Variants in INTS6L observed in about 807,000 individuals in gnomAD.
The protein encoded by INTS6L is integrator complex subunit 6 like.
A neutral mutation model predicts 64.7 loss-of-function variants in INTS6L; 18 were observed. That is an observed-to-expected ratio of 0.28 (90% CI 0.19 to 0.41). The LOEUF (loss-of-function observed/expected upper bound fraction) is 0.41, where lower values mean the gene tolerates loss of function less well. INTS6L is among the 10% of genes least tolerant of loss of function. INTS6L has a pLI of 1.00. For missense variants in INTS6L, 533 were observed against 661.0 expected (o/e 0.81, Z 2.12); for synonymous variants, 227 against 235.9 (o/e 0.96, Z 0.34).
In INTS6L at chrX:135,548,066, T is replaced by C. The variant is rs79227425; in HGVS notation, c.742+801T>C. Reference sequence around the variant, plus strand: ...GTAAGTGTATATATATATATATATATACACACACACACTCCATTATTATTA... The same window carrying C: ...GTAAGTGTATATATATATATATATACACACACACACACTCCATTATTATTA... On this transcript the variant is annotated intron_variant, in intron 6 of 17. Transcript: ENST00000639893. Among the ~76,000 whole-genome samples, 229 of 73,505 alleles carry C rather than the reference T, an allele frequency of 3.1e-3. 1 individual carries two copies. The highest frequency in any genetic ancestry group is 8.2e-3 in the African/African-American group (185 of 22,470). 63.8% of individuals were successfully genotyped at this position (73,505 alleles called of 115,157 possible).
At chrX:135,542,523 G>C (rs1318737136) in intron 2 of INTS6L, among the ~76,000 whole-genome samples, 1 of 106,879 alleles carries the variant, frequency 9.4e-6, no homozygotes, top group Admixed American at 1.0e-4. Flanking sequence ...AAAAGAAAAA[G>C]AGAGAGAGAG....
intron 2 of INTS6L, among the ~76,000 whole-genome samples, chrX:135,540,750 C>G (rs1219667616): frequency 9.2e-6 from 1 of 109,138 alleles, no homozygotes; most frequent in Non-Finnish European, 1.9e-5. Context: ...CTTCCTCCCC[C>G]TCCTCCTCCC....
At chrX:135,577,911 C>T (rs2087273569) in intron 15 of INTS6L, among the ~76,000 whole-genome samples, 1 of 111,936 alleles carries the variant, frequency 8.9e-6, no homozygotes, top group South Asian at 3.7e-4. Flanking sequence ...TCCTCGACCC[C>T]ACTGAAACAT....
intron 2 of INTS6L, among the ~76,000 whole-genome samples, chrX:135,530,970 A>G (rs1029796258): frequency 6.2e-5 from 7 of 112,006 alleles, no homozygotes; most frequent in African/African-American, 2.3e-4. Context: ...TTTATTATCT[A>G]TATCCTGCCC....
chrX:135,540,699 A>C (rs2086183954), intron 2 of INTS6L, among the ~76,000 whole-genome samples: 1 of 102,581 alleles, frequency 9.7e-6, no homozygotes, highest in Non-Finnish European at 2.0e-5. Context: ...GTGGCTTACT[A>C]TTCAAGCCTC....
chrX:135,553,641 C>T (rs2086564800), intron 8 of INTS6L, among the ~76,000 whole-genome samples: 2 of 110,040 alleles, frequency 1.8e-5, no homozygotes, highest in African/African-American at 3.3e-5. Flanking sequence ...TTTTTTGACT[C>T]GTGTGCTGTT....
At chrX:135,568,735 GGGGTCTCATTAT>G (rs1556526045) in intron 9 of INTS6L, among the ~76,000 whole-genome samples, 1 of 109,932 alleles carries the variant, frequency 9.1e-6, no homozygotes, top group Non-Finnish European at 1.9e-5. Flanking sequence ...TATAGAGACA[GGGGTCTCATTAT>G]GTTGCCCAGG....
At chrX:135,557,383 T>C (rs1276245890) in intron 9 of INTS6L, among the ~76,000 whole-genome samples, 1 of 111,919 alleles carries the variant, frequency 8.9e-6, no homozygotes, top group Non-Finnish European at 1.9e-5. Flanking sequence ...TATTTTTAAG[T>C]GCACTTTTTT....
Position 135,573,053 on chromosome X carries a change from GT to G in INTS6L, c.1617+23del, listed in dbSNP as rs782504825. Reference sequence around the variant, plus strand: ...AACAAGGTAAATTGTGACATAAATAGTTTGTATTTGTTTGAACTTGTCTGAT... The same window carrying G: ...AACAAGGTAAATTGTGACATAAATAGTTGTATTTGTTTGAACTTGTCTGAT... On this transcript the variant is annotated intron_variant, in intron 12 of 17. Coordinates refer to ENST00000639893, the MANE Select transcript of INTS6L (RefSeq NM_001351601.3). The G allele has an allele frequency of 3.6e-6, 4 of 1,116,282 alleles. No homozygotes were observed. Among genetic ancestry groups the G allele is most frequent in the Admixed American group, 2.3e-5 (1 of 43,233 alleles). 92.0% of individuals were successfully genotyped at this position (1,116,282 alleles called of 1,213,427 possible).
chrX:135,557,444 A>C (rs1428432333), intron 9 of INTS6L, among the ~76,000 whole-genome samples: 1 of 111,543 alleles, frequency 9.0e-6, no homozygotes, highest in African/African-American at 3.3e-5. Context: ...GTACATATTT[A>C]ATGTATACAA....
chrX:135,567,810 CA>C (rs1192436661), intron 9 of INTS6L, among the ~76,000 whole-genome samples: 2 of 112,014 alleles, frequency 1.8e-5, no homozygotes, highest in African/African-American at 3.2e-5. Flanking sequence ...AAATCTTTAA[CA>C]AAAGACCTAC....
intron 2 of INTS6L, among the ~76,000 whole-genome samples, chrX:135,526,872 G>A (rs1027185065): frequency 2.7e-5 from 3 of 111,151 alleles, no homozygotes; most frequent in Admixed American, 9.5e-5. Context: ...CCTCATTCCC[G>A]GTACTCTTCC....
chrX:135,524,333 G>A (rs968718639), intron 2 of INTS6L, among the ~76,000 whole-genome samples: 3 of 111,567 alleles, frequency 2.7e-5, no homozygotes, highest in African/African-American at 9.8e-5. Context: ...TTGATTGTCA[G>A]CGGGCACCTT....
chrX:135,570,271 TTC>T, intron 10 of INTS6L, 163 bp from the exon 11 acceptor site: 3 of 393,884 alleles, frequency 7.6e-6, no homozygotes, highest in Non-Finnish European at 1.2e-5. Context: ...TGCTCCTTAC[TTC>T]TCTGCTATTT....
In INTS6L at chrX:135,570,534, A is replaced by G; in HGVS notation, c.1386A>G (p.Lys462=). ...ACAGTGTTATCTCTTACCTTAAAAA[A>G]CTCAGCCAACAGGTAGTATTGGTAA... is the stretch of plus-strand genomic sequence containing the variant. ...LSYSVISYLK[K]LSQQTKLESE... is the part of the protein sequence containing the mutation. The change falls in exon 11 of 18, where the codon AAA becomes AAG. Residue 462 remains lysine (K), a synonymous_variant. Coordinates refer to ENST00000639893, the MANE Select transcript of INTS6L (RefSeq NM_001351601.3). 8.7e-7 allele frequency: 1 copy of G among 1,154,231 alleles called. No individual in the cohort carries two copies. Among genetic ancestry groups the G allele is most frequent in the Non-Finnish European group, 1.1e-6 (1 of 872,088 alleles).
chrX:135,553,547 C>T (rs1350916049), intron 8 of INTS6L, among the ~76,000 whole-genome samples: 1 of 100,584 alleles, frequency 9.9e-6, no homozygotes, highest in Non-Finnish European at 2.0e-5. Flanking sequence ...TGGTCTCAAA[C>T]TCCTGGGCTC....
At chrX:135,568,991 C>T (rs1354227676) in intron 9 of INTS6L, among the ~76,000 whole-genome samples, 1 of 111,966 alleles carries the variant, frequency 8.9e-6, no homozygotes, top group Non-Finnish European at 1.9e-5. Flanking sequence ...AATGTTATTC[C>T]ATCAACCAGT....
At chrX:135,521,617 G>A (rs2085560349) in intron 2 of INTS6L, among the ~76,000 whole-genome samples, 1 of 109,924 alleles carries the variant, frequency 9.1e-6, no homozygotes, top group African/African-American at 3.3e-5. Context: ...TTTTGTATGA[G>A]CCTGCGAGAG....
In INTS6L at chrX:135,572,853, G is replaced by C; in HGVS notation, c.1437G>C (p.Gly479=). 1 of 1,211,516 alleles carries C rather than the reference G, an allele frequency of 8.3e-7. No homozygotes were observed. The highest frequency in any genetic ancestry group is 1.1e-6 in the Non-Finnish European group (1 of 895,393). ...LESERILASV[G]KKPPQEIGIK... Reference sequence around the variant, plus strand: ...CAGAACGAATACTAGCATCAGTGGGGAAGAAACCTCCCCAGGAAATTGGAA... The same window carrying C: ...CAGAACGAATACTAGCATCAGTGGGCAAGAAACCTCCCCAGGAAATTGGAA... Residue 479 remains glycine, a synonymous_variant, in exon 12 of 18, where the codon GGG becomes GGC. Coordinates refer to ENST00000639893, the MANE Select transcript of INTS6L (RefSeq NM_001351601.3).
Sources: gnomAD v4.1 joint callset for allele counts (sites outside exome capture counted in the v4.1 genomes callset) on GRCh38, gnomAD v4.1.1 for gene constraint, MANE v1.5 for transcripts, NCBI Gene and HGNC (gene_info 2026-07-23, HGNC 2026-07-21) for gene names.